Variants in FOXK2 observed in about 807,000 individuals in gnomAD.
FOXK2 encodes the protein forkhead box K2, also known as forkhead box protein K2.
In FOXK2, 24 loss-of-function variants were observed where a neutral mutation model predicts 53.3. The ratio of observed to expected loss-of-function variants is 0.45; its 90% confidence interval spans 0.33 to 0.63. FOXK2 has a LOEUF of 0.63. Among genes scored for constraint, FOXK2 ranks in the 30% least tolerant of loss-of-function variants. The pLI is 0.03. For missense variants in FOXK2, 952 were observed against 910.5 expected (o/e 1.05, Z -0.59); for synonymous variants, 505 against 407.1 (o/e 1.24, Z -2.89).
intron 1 of FOXK2, among the ~76,000 whole-genome samples, chr17:82,555,822 A>C (rs1406939371): frequency 7.3e-6 from 1 of 137,698 alleles, no homozygotes; most frequent in South Asian, 2.4e-4. Flanking sequence ...TGGGAGGCGG[A>C]GCTTGCAGTG....
At chr17:82,563,601 C>T in intron 2 of FOXK2, 53 bp downstream of exon 2, 1 of 1,510,658 alleles carries the variant, frequency 6.6e-7, no homozygotes, top group Non-Finnish European at 9.0e-7. Flanking sequence ...GTGGCAGCCC[C>T]AAGTAACGCC....
chr17:82,547,462 G>A (rs1458076553), intron 1 of FOXK2, among the ~76,000 whole-genome samples: 1 of 152,190 alleles, frequency 6.6e-6, no homozygotes, highest in African/African-American at 2.4e-5. Context: ...CCCACGGGCC[G>A]TGGGTTGGAC....
At chr17:82,588,304 T>G (rs1052189911) in intron 8 of FOXK2, 14 of 153,286 alleles carry the variant, frequency 9.1e-5, no homozygotes, top group Admixed American at 2.0e-4. Flanking sequence ...CCTTCTCTTC[T>G]CTCTGGGTAA....
intron 1 of FOXK2, among the ~76,000 whole-genome samples, chr17:82,523,523 AG>A (rs1366270447): frequency 6.8e-6 from 1 of 146,708 alleles, no homozygotes; most frequent in Non-Finnish European, 1.5e-5. Flanking sequence ...CCTAGGCTGG[AG>A]TGCAATGGTA....
chr17:82,590,287 C>T (rs569989325), intron 8 of FOXK2, among the ~76,000 whole-genome samples: 149 of 152,240 alleles, frequency 9.8e-4, no homozygotes, highest in African/African-American at 3.4e-3. Context: ...ATGAGAACCA[C>T]TGCACAGGTG....
At chr17:82,580,884 C>G (rs2045051356) in intron 4 of FOXK2, among the ~76,000 whole-genome samples, 1 of 148,780 alleles carries the variant, frequency 6.7e-6, no homozygotes, top group African/African-American at 2.5e-5. Context: ...GTAGCTCCAT[C>G]CACAGGGCCC....
intron 1 of FOXK2, among the ~76,000 whole-genome samples, chr17:82,548,771 C>G (rs940305290): frequency 1.3e-5 from 2 of 152,210 alleles, no homozygotes; most frequent in Non-Finnish European, 2.9e-5. Flanking sequence ...GTGACCTCAC[C>G]CTGGGGGAGG....
intron 1 of FOXK2, among the ~76,000 whole-genome samples, chr17:82,523,597 C>G (rs917277097): frequency 1.3e-5 from 2 of 151,674 alleles, no homozygotes; most frequent in Admixed American, 1.3e-4. Context: ...TTCAGCCTCC[C>G]GAGTACCTGG....
At chr17:82,556,821 G>C (rs2044730621) in intron 1 of FOXK2, among the ~76,000 whole-genome samples, 1 of 151,596 alleles carries the variant, frequency 6.6e-6, no homozygotes, top group Admixed American at 6.6e-5. Context: ...CTCAGCCTCA[G>C]CCTCCTGAGT....
chr17:82,590,257 C>G (rs1455055308), intron 8 of FOXK2, among the ~76,000 whole-genome samples: 1 of 152,142 alleles, frequency 6.6e-6, no homozygotes, highest in African/African-American at 2.4e-5. Context: ...CGGCTACAGC[C>G]TGGATGCTGA....
intron 1 of FOXK2, among the ~76,000 whole-genome samples, chr17:82,523,929 C>T (rs372100819): frequency 5.3e-5 from 8 of 152,190 alleles, no homozygotes; most frequent in South Asian, 2.1e-4. Context: ...GAGTCTCACT[C>T]TGTTGTCCAG....
At chr17:82,568,855 A>G (rs1038157569) in intron 3 of FOXK2, among the ~76,000 whole-genome samples, 2 of 151,926 alleles carry the variant, frequency 1.3e-5, no homozygotes, top group Admixed American at 6.6e-5. Context: ...ACCAAAAAAA[A>G]ATACAAAAAG....
At chr17:82,586,978 C>T (rs1226818523) in intron 7 of FOXK2, 85 bp from the exon 8 acceptor site, 8 of 1,190,914 alleles carry the variant, frequency 6.7e-6, no homozygotes, top group Non-Finnish European at 1.0e-5. Context: ...GGTGTGATAG[C>T]TATCTGGTTA....
intron 2 of FOXK2, among the ~76,000 whole-genome samples, chr17:82,566,899 C>G (rs900164409): frequency 1.3e-5 from 2 of 152,242 alleles, no homozygotes; most frequent in African/African-American, 4.8e-5. Flanking sequence ...TCGGGCCACA[C>G]TGGCTGCATC....
rs1368799582 is a variant in FOXK2, at chr17:82,520,404, C to T, written c.419+97C>T. The T allele has an allele frequency of 1.2e-5, 13 of 1,053,598 alleles. No homozygotes were observed. In the Admixed American group the frequency reaches 1.3e-4, roughly 11 times the overall value. The allele number at this position is 1,053,598 out of a possible 1,614,324, so 65.3% of individuals were successfully genotyped here. ...GCCCAGGCCCGGGACCACCCACGAG[C>T]GGGGGCCCGACTCTCCCACAGCCGG... On this transcript the variant is annotated intron_variant, in intron 1 of 8. Transcript: ENST00000335255.
Position 82,577,004 on chromosome 17 carries a change from A to G in FOXK2, c.909+5134A>G, listed in dbSNP as rs1408984718. On this transcript the variant is annotated intron_variant, in intron 4 of 8. Transcript: ENST00000335255. Reference sequence around the variant, plus strand: ...GAGAAACTACATCTCTACTAAAAATACAATATTATTAGCGGGGTGTGGTGG... The same window carrying G: ...GAGAAACTACATCTCTACTAAAAATGCAATATTATTAGCGGGGTGTGGTGG... 1.0e-5 allele frequency: 4 copies of G among 401,488 alleles called. No individual in the cohort carries two copies. The East Asian group carries it at 2.1e-4, about 21-fold the overall frequency. The allele number at this position is 401,488 out of a possible 1,614,324, so 24.9% of individuals were successfully genotyped here. A position where few individuals can be genotyped will look rare whatever the true frequency, so the allele number is the denominator to read the frequency against.
At chr17:82,531,807 C>T (rs1216333580) in intron 1 of FOXK2, among the ~76,000 whole-genome samples, 3 of 152,272 alleles carry the variant, frequency 2.0e-5, no homozygotes, top group Non-Finnish European at 4.4e-5. Context: ...TGACTGTACA[C>T]CGCTGTCAAC....
chr17:82,586,293 TCAAA>T lies in FOXK2; in HGVS notation c.1576+94_1576+97del, dbSNP rs1567985060. The T allele has an allele frequency of 5.9e-4, 154 of 259,416 alleles. 11 individuals are homozygous for T. The highest frequency in any genetic ancestry group is 7.2e-4 in the Non-Finnish European group (111 of 153,486). The allele number at this position is 259,416 out of a possible 1,614,324, so 16.1% of individuals were successfully genotyped here. The stretch of plus-strand genomic sequence containing the variant: ...GAGGAGAGGGGAGACCACAGGGAGG[TCAAA>T]GGTGGGCCGGGGGGGAAAGGAGGAG... On this transcript the variant is annotated intron_variant, in intron 7 of 8. Coordinates refer to ENST00000335255, the MANE Select transcript of FOXK2 (RefSeq NM_004514.4).
chr17:82,587,227 C>G lies in FOXK2; in HGVS notation c.1741C>G (p.His581Asp), dbSNP rs775891706. Residue 581 changes from histidine to aspartate, a missense_variant, in exon 8 of 9, where the codon CAC becomes GAC. By Grantham distance (81) the His-to-Asp change is moderately conservative. This residue lies in a region of FOXK2 where 551 missense variants were observed against 385.1 expected (regional missense o/e 1.43). Coordinates refer to ENST00000335255, the MANE Select transcript of FOXK2 (RefSeq NM_004514.4). ...PIKTVTQNGTHVASVPTAVHG... is the reference protein window; with the variant it reads ...PIKTVTQNGTDVASVPTAVHG... ...AAAAACTGTAACACAAAACGGCACT[C>G]ACGTGGCATCAGTCCCCACTGCGGT... 9.9e-6 allele frequency: 16 copies of G among 1,613,088 alleles called. No individual in the cohort carries two copies. The South Asian group carries it at 1.6e-4, about 17-fold the overall frequency.
Sources: allele counts gnomAD v4.1 joint callset (sites outside exome capture counted in the v4.1 genomes callset), GRCh38; gene constraint gnomAD v4.1.1; regional missense constraint gnomAD v4.1.1; transcripts MANE v1.5; gene names NCBI Gene and HGNC (gene_info 2026-07-23, HGNC 2026-07-21).